GRID2: variants seen among roughly 807,000 people sequenced by gnomAD.
GRID2 encodes glutamate ionotropic receptor delta type subunit 2.
GRID2 carries 33 observed loss-of-function variants against 114.8 expected under a neutral mutation model. That is an observed-to-expected ratio of 0.29 (90% confidence interval 0.22 to 0.38). The LOEUF (loss-of-function observed/expected upper bound fraction) is 0.38. Ranked by LOEUF, GRID2 falls within the 10% of genes least tolerant of loss-of-function variation. The probability of loss-of-function intolerance (pLI) is 1.00; values close to 1 mark genes in which losing one functional copy is unlikely to be tolerated. For synonymous variants in GRID2, 505 were observed against 449.9 expected (o/e 1.12, Z -1.55); for missense variants, 1,184 against 1,257.7 (o/e 0.94, Z 0.89).
chr4:92,357,878 A>G (rs962604084), intron 1 of GRID2, among the ~76,000 whole-genome samples: 1 of 151,964 alleles, frequency 6.6e-6, no homozygotes, highest in Non-Finnish European at 1.5e-5. Context: ...GACAGGGCTG[A>G]TCACAAATAA....
intron 2 of GRID2, among the ~76,000 whole-genome samples, chr4:93,030,814 A>T (rs1247948038): frequency 6.6e-6 from 1 of 152,030 alleles, no homozygotes; most frequent in African/African-American, 2.4e-5. Context: ...GAGACAGAGG[A>T]AGGGGATGAG....
chr4:92,564,530 A>C (rs1367050821), intron 1 of GRID2, among the ~76,000 whole-genome samples: 1 of 152,028 alleles, frequency 6.6e-6, no homozygotes, highest in East Asian at 1.9e-4. Context: ...TTCCTTTTTA[A>C]ATGAAATTGA....
intron 8 of GRID2, among the ~76,000 whole-genome samples, chr4:93,271,981 C>A (rs1751514612): frequency 6.6e-6 from 1 of 151,674 alleles, no homozygotes; most frequent in African/African-American, 2.4e-5. Flanking sequence ...AGAAGAATAA[C>A]CTGAAGATTA....
intron 13 of GRID2, among the ~76,000 whole-genome samples, chr4:93,603,124 C>T (rs1275145303): frequency 2.0e-5 from 3 of 151,998 alleles, no homozygotes; most frequent in Non-Finnish European, 2.9e-5. Context: ...GCAGGATAAT[C>T]GCTTGAACTC....
At chr4:92,863,100 G>A (rs568702430) in intron 2 of GRID2, among the ~76,000 whole-genome samples, 68 of 152,134 alleles carry the variant, frequency 4.5e-4, no homozygotes, top group East Asian at 2.9e-3. Context: ...GGAGTTATGC[G>A]TTGTGCAGAA....
intron 1 of GRID2, among the ~76,000 whole-genome samples, chr4:92,428,193 C>T (rs531521760): frequency 4.6e-5 from 7 of 152,020 alleles, no homozygotes; most frequent in South Asian, 4.2e-4. Context: ...ACCCGGGAGG[C>T]GGAGCTTGCA....
chr4:93,576,867 A>G (rs1381406925), intron 13 of GRID2, among the ~76,000 whole-genome samples: 11 of 152,136 alleles, frequency 7.2e-5, no homozygotes, highest in Non-Finnish European at 1.6e-4. Flanking sequence ...GAGATCAGGT[A>G]AAAAAGGGTG....
chr4:93,712,169 A>T (rs1365460301), intron 14 of GRID2, among the ~76,000 whole-genome samples: 1 of 152,128 alleles, frequency 6.6e-6, no homozygotes, highest in African/African-American at 2.4e-5. Flanking sequence ...TGAATTTGCC[A>T]ATCTTTTCAT....
Position 93,041,336 on chromosome 4 carries a change from T to C in GRID2, c.245-43659T>C, listed in dbSNP as rs115925083. On this transcript the variant is annotated intron_variant, in intron 2 of 15. Transcript: ENST00000282020. ...TTTCTTTTTTCTCACAATTCTCTCTTAATGAGATCTTGCAGAATGGCGAAC... is the reference window on the plus strand; with the variant it reads ...TTTCTTTTTTCTCACAATTCTCTCTCAATGAGATCTTGCAGAATGGCGAAC... Among the ~76,000 whole-genome samples the C allele has an allele frequency of 4.9e-3, 749 of 152,300 alleles. 8 individuals carry two copies. Among genetic ancestry groups the C allele is most frequent in the African/African-American group, 0.017 (713 of 41,572 alleles).
chr4:92,498,044 A>G (rs1723481212), intron 1 of GRID2, among the ~76,000 whole-genome samples: 1 of 151,966 alleles, frequency 6.6e-6, no homozygotes, highest in Non-Finnish European at 1.5e-5. Flanking sequence ...AAAAAAGAAA[A>G]ATACTTCATT....
At chr4:93,031,032 ATTTTTTTT>A (rs576187018) in intron 2 of GRID2, among the ~76,000 whole-genome samples, 12 of 106,208 alleles carry the variant, frequency 1.1e-4, no homozygotes, top group African/African-American at 4.9e-4. Flanking sequence ...TCCAATCTCC[ATTTTTTTT>A]TTTTTTTTTT....
chr4:93,285,663 A>G (rs1753079010), intron 8 of GRID2, among the ~76,000 whole-genome samples: 1 of 152,032 alleles, frequency 6.6e-6, no homozygotes, highest in South Asian at 2.1e-4. Flanking sequence ...TTTGTCTAAA[A>G]GCAAATGAAG....
intron 2 of GRID2, among the ~76,000 whole-genome samples, chr4:92,799,544 T>C (rs1740053640): frequency 6.6e-6 from 1 of 152,050 alleles, no homozygotes; most frequent in Non-Finnish European, 1.5e-5. Flanking sequence ...CTTGTCACTG[T>C]GTCCTCACAT....
At chr4:93,317,551 A>G (rs759296484) in intron 8 of GRID2, among the ~76,000 whole-genome samples, 1 of 152,104 alleles carries the variant, frequency 6.6e-6, no homozygotes, top group African/African-American at 2.4e-5. Flanking sequence ...ATAATACTGA[A>G]ATTTGGAGAA....
chr4:93,081,708 C>T (rs1013424634), intron 2 of GRID2, among the ~76,000 whole-genome samples: 1 of 151,902 alleles, frequency 6.6e-6, no homozygotes, highest in Non-Finnish European at 1.5e-5. Flanking sequence ...AAGAACTATG[C>T]CATTGAGATG....
intron 1 of GRID2, among the ~76,000 whole-genome samples, chr4:92,361,772 G>A (rs576204088): frequency 2.6e-5 from 4 of 152,018 alleles, no homozygotes; most frequent in South Asian, 2.1e-4. Context: ...CCTCAAGTAC[G>A]CATGATTCTT....
chr4:92,529,936 G>C (rs942123749), intron 1 of GRID2, among the ~76,000 whole-genome samples: 13 of 152,094 alleles, frequency 8.5e-5, no homozygotes, highest in African/African-American at 3.1e-4. Flanking sequence ...TTACATATGG[G>C]TGAGAAGAGG....
intron 2 of GRID2, among the ~76,000 whole-genome samples, chr4:92,721,323 C>T (rs1016749914): frequency 4.1e-5 from 6 of 146,026 alleles, no homozygotes; most frequent in African/African-American, 8.4e-5. Context: ...TTTATTTTAC[C>T]ACAATAAAAA....
At chr4:92,735,025 T>C (rs1422305561) in intron 2 of GRID2, among the ~76,000 whole-genome samples, 2 of 151,932 alleles carry the variant, frequency 1.3e-5, no homozygotes, top group African/African-American at 4.8e-5. Flanking sequence ...GCAATCCACC[T>C]TCCTTGGCCT....
Sources: gnomAD v4.1 joint callset for allele counts (sites outside exome capture counted in the v4.1 genomes callset) on GRCh38, gnomAD v4.1.1 for gene constraint, MANE v1.5 for transcripts, NCBI Gene and HGNC (gene_info 2026-07-23, HGNC 2026-07-21) for gene names.